Variants in CDIN1 observed in about 807,000 individuals in gnomAD.
CDIN1 encodes the protein CDAN1 interacting nuclease 1.
In CDIN1, 33 loss-of-function variants were observed where a neutral mutation model predicts 45.3. The observed-to-expected ratio is 0.73, with a 90% CI of 0.55 to 0.97. The LOEUF is 0.97. Among genes scored for constraint, CDIN1 ranks in the 50% least tolerant of loss-of-function variants. The pLI, the probability that CDIN1 is intolerant of heterozygous loss-of-function variation, is 0.00. For synonymous variants in CDIN1, 118 were observed against 124.4 expected (o/e 0.95, Z 0.34); for missense variants, 303 against 339.4 (o/e 0.89, Z 0.84).
chr15:36,738,253 A>G (rs1049535382), intron 10 of CDIN1, among the ~76,000 whole-genome samples: 1 of 152,060 alleles, frequency 6.6e-6, no homozygotes, highest in Non-Finnish European at 1.5e-5. Flanking sequence ...TGCCCATTCA[A>G]CACCTCTGCT....
At chr15:36,805,197 T>C (rs1004107875) in intron 10 of CDIN1, among the ~76,000 whole-genome samples, 1 of 152,138 alleles carries the variant, frequency 6.6e-6, no homozygotes, top group African/African-American at 2.4e-5. Flanking sequence ...TTAAAATCCA[T>C]TGGGGGTCTT....
chr15:36,618,461 T>C (rs1466655912), intron 1 of CDIN1: 8 of 985,036 alleles, frequency 8.1e-6, no homozygotes, highest in Admixed American at 5.1e-5. Context: ...AAGATGTCAA[T>C]CTCAAGACCT....
intron 10 of CDIN1, among the ~76,000 whole-genome samples, chr15:36,715,232 C>T (rs8032986): frequency 0.033 from 5,011 of 152,242 alleles, 292 homozygotes; most frequent in African/African-American, 0.11. Context: ...TCCAGAGAGT[C>T]TACTCTCCTG....
Position 36,789,681 on chromosome 15 carries a change from G to A in CDIN1, c.717-18643G>A, listed in dbSNP as rs531233998. On this transcript the variant is annotated intron_variant, in intron 10 of 10. Transcript: ENST00000566621. The stretch of plus-strand genomic sequence containing the variant: ...AGACATCACACCGTGAGTCTCAAAG[G>A]CTTCCTCTTAAAATTATGCCCCACA... 3.3e-5 allele frequency among the ~76,000 whole-genome samples: 5 copies of A among 152,282 alleles called. No homozygotes were observed. In the South Asian group the frequency reaches 1.0e-3, roughly 32 times the overall value.
intron 10 of CDIN1, among the ~76,000 whole-genome samples, chr15:36,779,502 T>A (rs1471883699): frequency 6.6e-6 from 1 of 152,188 alleles, no homozygotes; most frequent in African/African-American, 2.4e-5. Context: ...GAGACAGCTG[T>A]TCAAAATGTA....
chr15:36,753,998 T>C (rs1344823496), intron 10 of CDIN1, among the ~76,000 whole-genome samples: 1 of 152,172 alleles, frequency 6.6e-6, no homozygotes, highest in Non-Finnish European at 1.5e-5. Context: ...ATGATTACAC[T>C]CAAGTTTGGG....
At chr15:36,702,268 C>T in intron 8 of CDIN1, 2 of 639,462 alleles carry the variant, frequency 3.1e-6, no homozygotes, top group South Asian at 3.6e-5. Context: ...GGGATTTGGG[C>T]TCTGTTCTCC....
chr15:36,618,468 A>G, intron 1 of CDIN1: 233 of 953,296 alleles, frequency 2.4e-4, no homozygotes, highest in Non-Finnish European at 3.7e-4. Context: ...CAATCTCAAG[A>G]CCTCATCCTT....
At chr15:36,754,911 A>C (rs1325991822) in intron 10 of CDIN1, among the ~76,000 whole-genome samples, 1 of 152,126 alleles carries the variant, frequency 6.6e-6, no homozygotes, top group Non-Finnish European at 1.5e-5. Context: ...TTCTACCAAA[A>C]AAAAGGCCCA....
At chr15:36,622,809 T>A (rs116410241) in intron 1 of CDIN1, among the ~76,000 whole-genome samples, 1 of 152,340 alleles carries the variant, frequency 6.6e-6, no homozygotes, top group African/African-American at 2.4e-5. Flanking sequence ...CAGGGAGCAC[T>A]TCCCCAGGTG....
At chr15:36,705,741 A>G (rs752251152) in intron 8 of CDIN1, 1 of 152,178 alleles carries the variant, frequency 6.6e-6, no homozygotes, top group African/African-American at 2.4e-5. Context: ...ACATTAATGA[A>G]CTTAATGGTT....
chr15:36,695,654 G>A (rs932312021), intron 7 of CDIN1, among the ~76,000 whole-genome samples: 1 of 152,134 alleles, frequency 6.6e-6, no homozygotes, highest in African/African-American at 2.4e-5. Context: ...TGAGACCAGC[G>A]TGGCCTACAT....
chr15:36,709,995 G>C, intron 10 of CDIN1, 34 bp downstream of exon 10: 1 of 1,480,628 alleles, frequency 6.8e-7, no homozygotes, highest in Non-Finnish European at 9.3e-7. Flanking sequence ...TAAGATAAAC[G>C]ATACTCAGCT....
intron 10 of CDIN1, among the ~76,000 whole-genome samples, chr15:36,805,922 A>G (rs557428487): frequency 3.3e-5 from 5 of 152,276 alleles, no homozygotes; most frequent in South Asian, 4.1e-4. Flanking sequence ...ATCAATCTCT[A>G]TTTACAAAGG....
chr15:36,694,623 C>G (rs2042360969), intron 7 of CDIN1, among the ~76,000 whole-genome samples: 1 of 152,100 alleles, frequency 6.6e-6, no homozygotes. Flanking sequence ...CCATGCCCAC[C>G]TACACCTTTC....
intron 8 of CDIN1, chr15:36,701,960 A>G: frequency 1.5e-6 from 1 of 683,028 alleles, no homozygotes. Flanking sequence ...ACCTGAAGCA[A>G]TAATACTCTG....
chr15:36,621,872 G>GTTTTTTTGT (rs1555385101), intron 1 of CDIN1, among the ~76,000 whole-genome samples: 2 of 142,388 alleles, frequency 1.4e-5, no homozygotes, highest in Admixed American at 7.0e-5. Context: ...AACAAGTTCA[G>GTTTTTTTGT]TTTTTTTTTT....
intron 5 of CDIN1, among the ~76,000 whole-genome samples, chr15:36,675,347 T>TA (rs1361628251): frequency 3.9e-5 from 6 of 152,114 alleles, no homozygotes; most frequent in African/African-American, 1.4e-4. Context: ...ACGGCCACTG[T>TA]AAAAAATTGC....
intron 10 of CDIN1, among the ~76,000 whole-genome samples, chr15:36,766,080 G>A (rs532871349): frequency 1.3e-5 from 2 of 152,168 alleles, no homozygotes; most frequent in Admixed American, 6.5e-5. Flanking sequence ...TCTTCCTCCC[G>A]GTCCCTGGCA....
Sources: allele counts gnomAD v4.1 joint callset (sites outside exome capture counted in the v4.1 genomes callset), GRCh38; gene constraint gnomAD v4.1.1; transcripts MANE v1.5; gene names NCBI Gene and HGNC (gene_info 2026-07-23, HGNC 2026-07-21).